Variants in ZNRF3 observed in about 807,000 individuals in gnomAD.
The protein encoded by ZNRF3 is zinc and ring finger 3.
ZNRF3 carries 23 observed loss-of-function variants against 72.5 expected under a neutral mutation model. The observed-to-expected ratio is 0.32, with a 90% CI of 0.23 to 0.45. The LOEUF is 0.45. Ranked by LOEUF, ZNRF3 falls within the 20% of genes least tolerant of loss-of-function variation. ZNRF3 has a pLI of 1.00. For synonymous variants in ZNRF3, 610 were observed against 545.3 expected (o/e 1.12, Z -1.65); for missense variants, 1,169 against 1,272.1 (o/e 0.92, Z 1.23).
rs756716817 is a variant in ZNRF3 at position 29,020,249 on chromosome 22, CTTT to C, written c.427-22224_427-22222del. Among the ~76,000 whole-genome samples the C allele has an allele frequency of 6.1e-3, 557 of 91,764 alleles. 6 individuals carry two copies. Among genetic ancestry groups the C allele is most frequent in the African/African-American group, 0.022 (515 of 22,976 alleles). The allele number at this position is 91,764 out of a possible 152,430, so 60.2% of individuals were successfully genotyped here. A position where few individuals can be genotyped will look rare whatever the true frequency, so the allele number is the denominator to read the frequency against. ...CATGTTCAGTACAGACACAACCATC[CTTT>C]TTTTTTTTTTTTTTTTTTTTTCCCC... On this transcript the variant is annotated intron_variant, in intron 2 of 8. Coordinates refer to ENST00000544604, the MANE Select transcript of ZNRF3 (RefSeq NM_001206998.2).
chr22:29,048,060 C>G lies in ZNRF3; in HGVS notation c.913-329C>G, dbSNP rs1227986422. On this transcript the variant is annotated intron_variant, in intron 6 of 8. Transcript: ENST00000544604. This position sits in a 1 kb window ranked among gnomAD's most constrained non-coding sequence, Gnocchi z 4.9. ...CTCTCCATACCCCTAAGCCTCCCAT[C>G]CTCACTAGCAGGAGGACTCGGCCCT... is the stretch of plus-strand genomic sequence containing the variant. Among the ~76,000 whole-genome samples, 1 of 152,170 alleles carries G rather than the reference C, an allele frequency of 6.6e-6. No individual in the cohort carries two copies. The highest frequency in any genetic ancestry group is 1.9e-4 in the East Asian group (1 of 5,184).
intron 1 of ZNRF3, among the ~76,000 whole-genome samples, chr22:28,958,820 A>G (rs930014137): frequency 6.6e-6 from 1 of 152,172 alleles, no homozygotes; most frequent in African/African-American, 2.4e-5. Context: ...GCTCAGAGTA[A>G]ACAAGTGACT....
rs755640067 is a variant in ZNRF3 at position 28,929,195 on chromosome 22, CAA to C, written c.300+45130_300+45131del. Among the ~76,000 whole-genome samples, 2 of 152,062 alleles carry C rather than the reference CAA, an allele frequency of 1.3e-5. 1 individual carries two copies. Among genetic ancestry groups the C allele is most frequent in the South Asian group, 4.1e-4 (2 of 4,828 alleles). On this transcript the variant is annotated intron_variant, in intron 1 of 8. Coordinates refer to ENST00000544604, the MANE Select transcript of ZNRF3 (RefSeq NM_001206998.2). ...AGCGGCCTTTGAGTAATGTTTGAAACAAGAGGGAAGAAATCAACTATTGCTTT... is the reference window on the plus strand; with the variant it reads ...AGCGGCCTTTGAGTAATGTTTGAAACGAGGGAAGAAATCAACTATTGCTTT...
chr22:28,885,590 TA>T (rs34201242), intron 1 of ZNRF3, among the ~76,000 whole-genome samples: 31,035 of 102,704 alleles, frequency 0.3, 4,730 homozygotes, highest in African/African-American at 0.5. Context: ...TACAGCCTTC[TA>T]AAAAAAAAAA....
chr22:29,013,148 A>G (rs1014377443), intron 2 of ZNRF3, among the ~76,000 whole-genome samples: 3 of 152,124 alleles, frequency 2.0e-5, no homozygotes, highest in African/African-American at 7.2e-5. Context: ...TGTCTGCTGC[A>G]TTTACTTCCC....
intron 1 of ZNRF3, among the ~76,000 whole-genome samples, chr22:28,928,264 TTACA>T (rs773002526): frequency 6.6e-6 from 1 of 152,188 alleles, no homozygotes; most frequent in African/African-American, 2.4e-5. Flanking sequence ...GAATTCTCTC[TTACA>T]TACACTTAGT....
intron 1 of ZNRF3, among the ~76,000 whole-genome samples, chr22:28,954,778 C>T (rs1310264687): frequency 1.3e-5 from 2 of 151,938 alleles, no homozygotes; most frequent in African/African-American, 2.4e-5. Context: ...CCATGCCCAA[C>T]TAATTTTTGT....
intron 1 of ZNRF3, among the ~76,000 whole-genome samples, chr22:28,898,522 G>A (rs2034042844): frequency 6.6e-6 from 1 of 152,170 alleles, no homozygotes; most frequent in Non-Finnish European, 1.5e-5. Flanking sequence ...TAGACTTTTG[G>A]GGATGTGTTT....
At chr22:28,897,047 A>T (rs2034011169) in intron 1 of ZNRF3, among the ~76,000 whole-genome samples, 1 of 152,200 alleles carries the variant, frequency 6.6e-6, no homozygotes, top group Non-Finnish European at 1.5e-5. Flanking sequence ...GGGACTATGC[A>T]GGCATGTGCC....
At chr22:28,895,483 C>T (rs1024792375) in intron 1 of ZNRF3, among the ~76,000 whole-genome samples, 3 of 151,898 alleles carry the variant, frequency 2.0e-5, no homozygotes, top group African/African-American at 4.8e-5. Flanking sequence ...ATCGAGACCA[C>T]GATGAAACCC....
chr22:28,957,874 C>A (rs1207236563), intron 1 of ZNRF3, among the ~76,000 whole-genome samples: 1 of 151,836 alleles, frequency 6.6e-6, no homozygotes, highest in East Asian at 1.9e-4. Flanking sequence ...AGTGAAGAGC[C>A]AAGAAGGATG....
At chr22:29,042,142 T>C (rs1466304786) in intron 2 of ZNRF3, among the ~76,000 whole-genome samples, 1 of 152,226 alleles carries the variant, frequency 6.6e-6, no homozygotes, top group East Asian at 1.9e-4. Flanking sequence ...AATTGACAGA[T>C]AATAATTGTA....
At chr22:29,011,833 T>G (rs989692247) in intron 2 of ZNRF3, among the ~76,000 whole-genome samples, 10 of 152,186 alleles carry the variant, frequency 6.6e-5, no homozygotes, top group Non-Finnish European at 1.2e-4. Flanking sequence ...GATGGAAGGG[T>G]TTCTATTTTG....
intron 2 of ZNRF3, among the ~76,000 whole-genome samples, chr22:29,020,576 C>G (rs1173254709): frequency 6.6e-6 from 1 of 151,690 alleles, no homozygotes; most frequent in Non-Finnish European, 1.5e-5. Context: ...CATCCTTTTT[C>G]TTTTCCGAGT....
At chr22:28,886,281 G>T (rs1240766188) in intron 1 of ZNRF3, among the ~76,000 whole-genome samples, 1 of 152,176 alleles carries the variant, frequency 6.6e-6, no homozygotes, top group Admixed American at 6.5e-5. Flanking sequence ...AAAGTTTTTT[G>T]TAAGGAAGGC....
intron 2 of ZNRF3, among the ~76,000 whole-genome samples, chr22:29,013,222 T>C (rs1423196312): frequency 1.3e-5 from 2 of 152,194 alleles, no homozygotes; most frequent in African/African-American, 4.8e-5. Context: ...GATGTTTCTT[T>C]TTCAGCTCTC....
In ZNRF3 at chr22:29,046,903, C is replaced by T. The variant is rs370649224; in HGVS notation, c.912+20C>T. 1.5e-5 allele frequency: 23 copies of T among 1,502,902 alleles called. No homozygotes were observed. Among genetic ancestry groups the T allele is most frequent in the Middle Eastern group, 1.8e-4 (1 of 5,610 alleles). 93.1% of individuals were successfully genotyped at this position (1,502,902 alleles called of 1,614,324 possible). ...GGAGAGGTAATGGCAGAAGCAGGCC[C>T]GTCCTGGGTGGGGAAAACATAGGCA... On this transcript the variant is annotated intron_variant, in intron 6 of 8. Transcript: ENST00000544604.
At chr22:28,943,632 A>G (rs897647009) in intron 1 of ZNRF3, among the ~76,000 whole-genome samples, 17 of 152,102 alleles carry the variant, frequency 1.1e-4, no homozygotes, top group Non-Finnish European at 1.9e-4. Flanking sequence ...TACTGAAGCT[A>G]CTTGATTTAC....
At chr22:28,889,642 C>T (rs1266579820) in intron 1 of ZNRF3, among the ~76,000 whole-genome samples, 1 of 152,148 alleles carries the variant, frequency 6.6e-6, no homozygotes, top group African/African-American at 2.4e-5. Flanking sequence ...CGAACTGAGC[C>T]CTTAGGCCCT....
Sources: allele counts gnomAD v4.1 joint callset (sites outside exome capture counted in the v4.1 genomes callset), GRCh38; gene constraint gnomAD v4.1.1; non-coding constraint Gnocchi (gnomAD v3.1); transcripts MANE v1.5; gene names NCBI Gene and HGNC (gene_info 2026-07-23, HGNC 2026-07-21).